Variants in RTTN observed in about 807,000 individuals in gnomAD.
The protein encoded by RTTN is rotatin.
A neutral mutation model predicts 269.2 loss-of-function variants in RTTN; 182 were observed. The ratio of observed to expected loss-of-function variants is 0.68; its 90% CI spans 0.60 to 0.76. RTTN has a LOEUF of 0.76. Ranked by LOEUF, RTTN falls within the 30% of genes least tolerant of loss-of-function variation. RTTN has a pLI of 0.00. For synonymous variants in RTTN, 1,006 were observed against 963.5 expected (o/e 1.04, Z -0.82); for missense variants, 2,545 against 2,608.6 (o/e 0.98, Z 0.53).
intron 10 of RTTN, among the ~76,000 whole-genome samples, chr18:70,180,978 T>C (rs890641406): frequency 6.6e-6 from 1 of 152,202 alleles, no homozygotes; most frequent in Non-Finnish European, 1.5e-5. Context: ...TTAAAATAAC[T>C]GTCTTTGGAA....
chr18:70,107,459 A>T (rs968469353), intron 28 of RTTN, among the ~76,000 whole-genome samples: 6 of 152,238 alleles, frequency 3.9e-5, no homozygotes, highest in Admixed American at 3.3e-4. Context: ...GGCTGTTCTC[A>T]TAGAACTATG....
At chr18:70,124,703 G>A (rs991621789) in intron 25 of RTTN, among the ~76,000 whole-genome samples, 4 of 152,080 alleles carry the variant, frequency 2.6e-5, no homozygotes, top group African/African-American at 9.6e-5. Flanking sequence ...TCTACAGCAT[G>A]CTAAGGGGTT....
intron 11 of RTTN, among the ~76,000 whole-genome samples, chr18:70,169,583 GT>G (rs2061084424): frequency 6.6e-6 from 1 of 151,994 alleles, no homozygotes; most frequent in African/African-American, 2.4e-5. Flanking sequence ...TTTTTCTTTG[GT>G]TTTGTCTTTT....
intron 5 of RTTN, 60 bp downstream of exon 5, chr18:70,199,354 C>T: frequency 1.8e-6 from 2 of 1,097,530 alleles, no homozygotes; most frequent in South Asian, 2.7e-5. Context: ...ATTGTAATAA[C>T]TATCAAACTT....
chr18:70,127,814 T>C (rs2059905293), intron 24 of RTTN, 73 bp from the exon 25 acceptor site: 1 of 1,354,884 alleles, frequency 7.4e-7, no homozygotes, highest in Non-Finnish European at 9.9e-7. Context: ...ATTTCTATTA[T>C]AAACTCTCCC....
At chr18:70,005,063 A>C in intron 48 of RTTN, 135 bp downstream of exon 48, 1 of 537,768 alleles carries the variant, frequency 1.9e-6, no homozygotes, top group Non-Finnish European at 3.3e-6. Flanking sequence ...AAAATGATAT[A>C]ATTAAAGCAC....
intron 32 of RTTN, among the ~76,000 whole-genome samples, chr18:70,078,426 T>C (rs1484708224): frequency 6.6e-6 from 1 of 151,832 alleles, no homozygotes; most frequent in East Asian, 1.9e-4. Flanking sequence ...GAAAAGAAAT[T>C]CTAACAGAAG....
At position 70,075,536 on chromosome 18, in the gene RTTN, G is replaced by T; in HGVS notation, c.4380C>A (p.Pro1460=). 6.4e-7 allele frequency: 1 copy of T among 1,565,364 alleles called. No individual in the cohort carries two copies. The highest frequency in any genetic ancestry group is 2.3e-5 in the East Asian group (1 of 42,934). ...EIIKDYTWQG[P]CVHDEDSGLS... ...GGCCAGAGTCCTCATCATGAACACA[G>T]GGACCCTGTAGGAAGAGAGGGAAAG... Residue 1460 remains proline (P), a synonymous_variant, in exon 33 of 49, where the codon CCC becomes CCA. Coordinates refer to ENST00000640769, the MANE Select transcript of RTTN (RefSeq NM_173630.4).
chr18:70,201,895 C>G lies in RTTN; in HGVS notation c.486G>C (p.Val162=), dbSNP rs2061962024. Residue 162 remains valine, a splice_region_variant and synonymous_variant, in exon 4 of 49, where the codon GTG becomes GTC. Transcript: ENST00000640769. ...FQQMEVPPRP[V]VNQTVKCLKF... ...ATTTACTTCCCGACATATACACACC[C>G]ACTGGTCGTGGCGGCACTTCCATCT... The G allele has an allele frequency of 6.3e-7, 1 of 1,590,134 alleles. No individual in the cohort carries two copies. The highest frequency in any genetic ancestry group is 1.1e-5 in the South Asian group (1 of 90,376).
chr18:70,134,218 T>C (rs1373597543), intron 23 of RTTN, among the ~76,000 whole-genome samples: 1 of 152,080 alleles, frequency 6.6e-6, no homozygotes, highest in Non-Finnish European at 1.5e-5. Context: ...TTGATGACTC[T>C]AGGCTGAACG....
chr18:70,027,217 T>C (rs1457474845), intron 43 of RTTN, among the ~76,000 whole-genome samples: 1 of 152,212 alleles, frequency 6.6e-6, no homozygotes, highest in Non-Finnish European at 1.5e-5. Flanking sequence ...AAACCCCTAA[T>C]GTTATGCATA....
At chr18:70,145,226 A>G (rs9797364) in intron 18 of RTTN, among the ~76,000 whole-genome samples, 145,948 of 152,312 alleles carry the variant, frequency 0.96, 70,254 homozygotes, top group East Asian at 1. Context: ...CTAGTTGCAG[A>G]AAAACAAGTT....
At chr18:70,029,301 C>T (rs533604028) in intron 42 of RTTN, among the ~76,000 whole-genome samples, 2 of 152,130 alleles carry the variant, frequency 1.3e-5, no homozygotes, top group Admixed American at 1.3e-4. Flanking sequence ...AACGGCCTTA[C>T]CTACACACAT....
chr18:70,205,654 A>G lies in RTTN; in HGVS notation c.5T>C (p.Val2Ala), dbSNP rs747799533. M[V>A]LAGLIRKLGH... ...GAGTTTCCTGATGAGCCCTGCCAGGACCATCTCGTCCCGTCAATCTGCAGC... is the reference window on the plus strand; with the variant it reads ...GAGTTTCCTGATGAGCCCTGCCAGGGCCATCTCGTCCCGTCAATCTGCAGC... Residue 2 changes from valine to alanine, a missense_variant, in exon 1 of 49, where the codon GTC becomes GCC. Transcript: ENST00000640769. The G allele has an allele frequency of 4.3e-6, 7 of 1,613,912 alleles. No individual in the cohort carries two copies. The African/African-American group carries it at 9.4e-5, about 22-fold the overall frequency.
chr18:70,071,968 C>T (rs1432374980), intron 34 of RTTN, among the ~76,000 whole-genome samples: 1 of 152,138 alleles, frequency 6.6e-6, no homozygotes, highest in Admixed American at 6.5e-5. Context: ...TTTACATCCA[C>T]TCAACTTATA....
At chr18:70,147,639 A>T (rs1014429473) in intron 17 of RTTN, among the ~76,000 whole-genome samples, 2 of 152,130 alleles carry the variant, frequency 1.3e-5, no homozygotes, top group African/African-American at 4.8e-5. Context: ...GGTTGATGGG[A>T]TGGGGTAGAA....
At chr18:70,024,615 C>G (rs2056800774) in intron 44 of RTTN, 107 bp downstream of exon 44, 2 of 1,033,508 alleles carry the variant, frequency 1.9e-6, no homozygotes, top group Non-Finnish European at 2.8e-6. Flanking sequence ...CTCAATAAAT[C>G]AGAGAAATAC....
intron 41 of RTTN, 65 bp downstream of exon 41, chr18:70,030,811 G>T: frequency 1.7e-6 from 2 of 1,207,036 alleles, no homozygotes; most frequent in Non-Finnish European, 2.4e-6. Flanking sequence ...AAATTAACTT[G>T]AACAAGCAAC....
chr18:70,082,638 C>T (rs149671798), intron 32 of RTTN, among the ~76,000 whole-genome samples: 6 of 152,132 alleles, frequency 3.9e-5, no homozygotes, highest in Non-Finnish European at 5.9e-5. Flanking sequence ...AATACAGTTT[C>T]GTGTCAACTG....
Sources: allele counts gnomAD v4.1 joint callset (sites outside exome capture counted in the v4.1 genomes callset), GRCh38; gene constraint gnomAD v4.1.1; transcripts MANE v1.5; gene names NCBI Gene and HGNC (gene_info 2026-07-23, HGNC 2026-07-21).